The following CFAP299 variants were observed in gnomAD, a reference collection of about 807,000 sequenced individuals.
The protein encoded by CFAP299 is cilia- and flagella-associated protein 299.
Under a neutral mutation model 27.0 loss-of-function variants are expected in CFAP299, and 21 were observed. That is an observed-to-expected ratio of 0.78 (90% CI 0.55 to 1.12). The LOEUF (loss-of-function observed/expected upper bound fraction) is 1.12. CFAP299 is among the 50% of genes most tolerant of loss of function. The pLI is 0.00. For synonymous variants in CFAP299, 104 were observed against 98.1 expected (o/e 1.06, Z -0.36); for missense variants, 310 against 276.6 (o/e 1.12, Z -0.86).
intron 4 of CFAP299, among the ~76,000 whole-genome samples, chr4:80,897,412 T>C (rs1417382480): frequency 1.3e-5 from 2 of 152,208 alleles, no homozygotes; most frequent in African/African-American, 2.4e-5. Flanking sequence ...AACTATTAGA[T>C]GTACTGGTCT....
the CFAP299 span, among the ~76,000 whole-genome samples, chr4:80,328,191 T>C: frequency 0.63 from 95,693 of 151,972 alleles, 31,075 homozygotes; most frequent in Non-Finnish European, 0.72. Flanking sequence ...TTTCAATAAG[T>C]TTTTTTAATA....
chr4:80,630,511 A>C (rs1011913923), intron 3 of CFAP299, among the ~76,000 whole-genome samples: 10 of 152,110 alleles, frequency 6.6e-5, no homozygotes, highest in Non-Finnish European at 1.3e-4. Flanking sequence ...TGTTTTTTTA[A>C]TAAATTATAA....
At chr4:80,654,784 C>CT (rs369680550) in intron 3 of CFAP299, among the ~76,000 whole-genome samples, 10,358 of 126,692 alleles carry the variant, frequency 0.082, 805 homozygotes, top group African/African-American at 0.19. Context: ...TAATTTTTAA[C>CT]TTTTTTTTTT....
At chr4:80,460,442 A>T (rs79731651) in intron 2 of CFAP299, among the ~76,000 whole-genome samples, 5 of 152,196 alleles carry the variant, frequency 3.3e-5, no homozygotes, top group South Asian at 2.1e-4. Flanking sequence ...AAATTTTTTT[A>T]AAGTTATATG....
intron 3 of CFAP299, among the ~76,000 whole-genome samples, chr4:80,617,333 A>G (rs1738343268): frequency 6.6e-6 from 1 of 152,122 alleles, no homozygotes; most frequent in Admixed American, 6.6e-5. Flanking sequence ...GTTATCATTA[A>G]TTGAAAAAGA....
At chr4:80,722,348 C>T (rs924322758) in intron 3 of CFAP299, among the ~76,000 whole-genome samples, 8 of 150,048 alleles carry the variant, frequency 5.3e-5, no homozygotes, top group East Asian at 4.0e-4. Flanking sequence ...ACCCAGGAGG[C>T]GGAGGTTGCA....
chr4:80,824,967 A>G lies in CFAP299; in HGVS notation c.334-45026A>G, dbSNP rs377198207. ...AGACCTACTAGACAAAGACTTTCCT[A>G]AAAGTCTTTGCTATCTTAAAGATAC... On this transcript the variant is annotated intron_variant, in intron 3 of 5. Coordinates refer to ENST00000358105, the MANE Select transcript of CFAP299 (RefSeq NM_152770.3). Among the ~76,000 whole-genome samples the G allele has an allele frequency of 5.3e-5, 8 of 152,168 alleles. No homozygotes were observed. In the South Asian group the frequency reaches 8.3e-4, roughly 16 times the overall value.
intron 4 of CFAP299, chr4:80,873,176 G>A (rs1336696522): frequency 1.9e-5 from 4 of 212,256 alleles, no homozygotes; most frequent in Non-Finnish European, 2.4e-5. Context: ...TCCCTTAGGT[G>A]TATGAAGTTC....
At chr4:80,584,113 A>G (rs1322000224) in intron 3 of CFAP299, among the ~76,000 whole-genome samples, 5 of 152,012 alleles carry the variant, frequency 3.3e-5, no homozygotes, top group African/African-American at 9.7e-5. Flanking sequence ...TCTTGTAGGA[A>G]GTAGGCTGAC....
At chr4:80,849,646 C>T (rs1222605311) in intron 3 of CFAP299, among the ~76,000 whole-genome samples, 1 of 151,990 alleles carries the variant, frequency 6.6e-6, no homozygotes, top group African/African-American at 2.4e-5. Flanking sequence ...CTGATCTCAC[C>T]TATATGTGGA....
At chr4:80,837,626 T>TA (rs1730638145) in intron 3 of CFAP299, among the ~76,000 whole-genome samples, 1 of 152,224 alleles carries the variant, frequency 6.6e-6, no homozygotes, top group African/African-American at 2.4e-5. Flanking sequence ...CATTCTTTTT[T>TA]ATGGCTGCAT....
chr4:80,883,245 G>A (rs1421398352), intron 4 of CFAP299, among the ~76,000 whole-genome samples: 1 of 151,892 alleles, frequency 6.6e-6, no homozygotes, highest in East Asian at 1.9e-4. Context: ...AACTAAAGAT[G>A]GCATATATTA....
At chr4:80,620,855 T>C (rs760869487) in intron 3 of CFAP299, among the ~76,000 whole-genome samples, 1 of 152,126 alleles carries the variant, frequency 6.6e-6, no homozygotes, top group Non-Finnish European at 1.5e-5. Flanking sequence ...TTGTATACAA[T>C]GAGAGAAATA....
At chr4:80,642,206 G>C (rs1482139245) in intron 3 of CFAP299, among the ~76,000 whole-genome samples, 3 of 152,162 alleles carry the variant, frequency 2.0e-5, no homozygotes, top group African/African-American at 7.2e-5. Context: ...GAAGGATACA[G>C]GCAAAGGCAT....
At chr4:80,796,617 T>C (rs1257109955) in intron 3 of CFAP299, among the ~76,000 whole-genome samples, 3 of 152,068 alleles carry the variant, frequency 2.0e-5, no homozygotes, top group Admixed American at 6.6e-5. Context: ...GCAGCTGCAA[T>C]TGGAGTCACC....
intron 4 of CFAP299, among the ~76,000 whole-genome samples, chr4:80,877,630 A>ATT (rs1277393955): frequency 8.1e-6 from 1 of 123,646 alleles, no homozygotes; most frequent in African/African-American, 5.2e-5. Flanking sequence ...AGACAGGATT[A>ATT]CTCTACATAA....
Position 80,799,557 on chromosome 4 carries a change from T to A in CFAP299, c.334-70436T>A, listed in dbSNP as rs866699015. ...ATATTTAATACATATATATAATATA[T>A]TTAATAAATATATATATTTATAAAA... On this transcript the variant is annotated intron_variant, in intron 3 of 5. Transcript: ENST00000358105. Among the ~76,000 whole-genome samples, 91 of 74,226 alleles carry A rather than the reference T, an allele frequency of 1.2e-3. 2 individuals carry two copies. The highest frequency in any genetic ancestry group is 4.8e-3 in the African/African-American group (87 of 17,976). 48.7% of individuals were successfully genotyped at this position (74,226 alleles called of 152,430 possible).
At chr4:80,483,892 A>G (rs1027159451) in intron 2 of CFAP299, among the ~76,000 whole-genome samples, 3 of 152,212 alleles carry the variant, frequency 2.0e-5, no homozygotes, top group Admixed American at 6.5e-5. Flanking sequence ...TTCAGTGCCA[A>G]TTGTAACATT....
At chr4:80,477,179 C>T (rs941974732) in intron 2 of CFAP299, among the ~76,000 whole-genome samples, 4 of 152,104 alleles carry the variant, frequency 2.6e-5, no homozygotes, top group Admixed American at 2.0e-4. Flanking sequence ...TCTCCCACCT[C>T]AGTCCCCAAG....
Sources: gnomAD v4.1 joint callset for allele counts (sites outside exome capture counted in the v4.1 genomes callset) on GRCh38, gnomAD v4.1.1 for gene constraint, MANE v1.5 for transcripts, NCBI Gene and HGNC (gene_info 2026-07-23, HGNC 2026-07-21) for gene names.